Variants in ANKAR observed in about 807,000 individuals in gnomAD.
ANKAR encodes the protein ankyrin and armadillo repeat containing.
Under a neutral mutation model 146.2 loss-of-function variants are expected in ANKAR, and 136 were observed. The ratio of observed to expected loss-of-function variants is 0.93; its 90% confidence interval spans 0.81 to 1.07. ANKAR has a LOEUF of 1.07. Among genes scored for constraint, ANKAR ranks in the 50% least tolerant of loss-of-function variants. ANKAR has a pLI of 0.00. For synonymous variants in ANKAR, 500 were observed against 575.8 expected (o/e 0.87, Z 1.88); for missense variants, 1,567 against 1,679.9 (o/e 0.93, Z 1.18).
At chr2:189,717,528 G>A (rs2040634410) in intron 10 of ANKAR, among the ~76,000 whole-genome samples, 1 of 152,168 alleles carries the variant, frequency 6.6e-6, no homozygotes, top group Admixed American at 6.5e-5. Context: ...AGACAGTGTG[G>A]CGATTCCTCA....
intron 2 of ANKAR, among the ~76,000 whole-genome samples, chr2:189,684,829 CAA>C (rs71023709): frequency 0.011 from 1,222 of 108,038 alleles, 20 homozygotes; most frequent in Admixed American, 0.049. Context: ...GACCCTGTCT[CAA>C]AAAAAAAAAA....
At chr2:189,715,646 T>G (rs1046460124) in intron 10 of ANKAR, among the ~76,000 whole-genome samples, 1 of 152,168 alleles carries the variant, frequency 6.6e-6, no homozygotes, top group African/African-American at 2.4e-5. Context: ...AAAAGAGAAT[T>G]TTAGACCAAT....
At chr2:189,760,223 C>A (rs1015672391) in intron 18 of ANKAR, among the ~76,000 whole-genome samples, 3 of 152,312 alleles carry the variant, frequency 2.0e-5, no homozygotes, top group Non-Finnish European at 2.9e-5. Flanking sequence ...CTTTTCTATT[C>A]GACAAAACCG....
chr2:189,746,576 C>T lies in ANKAR; in HGVS notation c.4254C>T (p.Asn1418=). 6.2e-7 allele frequency: 1 copy of T among 1,613,082 alleles called. No individual in the cohort carries two copies. Among genetic ancestry groups the T allele is most frequent in the Non-Finnish European group, 8.5e-7 (1 of 1,179,744 alleles). ...CAAGACCAAGAATAGTGTGTTTGAA[C>T]CAACTTGGGAAACATGTCCAGAAAG... The part of the protein sequence containing the change: ...NVSRPRIVCL[N]QLGKHVQKAN... The change falls in exon 23 of 23, where the codon AAC becomes AAT. Residue 1418 remains asparagine (N), a synonymous_variant. Coordinates refer to ENST00000684021, the MANE Select transcript of ANKAR (RefSeq NM_001378068.1).
At chr2:189,761,429 A>C (rs781044698), downstream of ANKAR, 4 of 1,598,098 alleles carry the variant, frequency 2.5e-6, no homozygotes, top group Middle Eastern at 1.7e-4. Flanking sequence ...CTTTAAATGA[A>C]CTTCAGTTTG....
intron 18 of ANKAR, chr2:189,752,850 A>G: frequency 6.2e-7 from 1 of 1,613,702 alleles, no homozygotes; most frequent in East Asian, 2.2e-5. Context: ...GTGGCTTACC[A>G]TGCAATCATA....
intron 7 of ANKAR, 64 bp from the exon 8 acceptor site, chr2:189,704,959 C>A: frequency 1.4e-6 from 2 of 1,461,106 alleles, no homozygotes; most frequent in Non-Finnish European, 9.6e-7. Context: ...ATCAATAAGG[C>A]ATTTAGGTTT....
At chr2:189,749,903 C>T (rs891308517), downstream of ANKAR, among the ~76,000 whole-genome samples, 13 of 152,238 alleles carry the variant, frequency 8.5e-5, no homozygotes, top group African/African-American at 2.9e-4. Context: ...AGGCAGATTG[C>T]CTGAGCTCAG....
intron 2 of ANKAR, among the ~76,000 whole-genome samples, chr2:189,679,473 C>T (rs1407901680): frequency 6.6e-6 from 1 of 152,102 alleles, no homozygotes; most frequent in Non-Finnish European, 1.5e-5. Context: ...TTGTCTGATT[C>T]CTCTGGCTAG....
At chr2:189,729,508 AT>A (rs1417540665) in intron 15 of ANKAR, among the ~76,000 whole-genome samples, 10 of 152,256 alleles carry the variant, frequency 6.6e-5, no homozygotes, top group Middle Eastern at 3.4e-3. Context: ...CTCATTCACA[AT>A]TCCAAGATAA....
At chr2:189,675,112 C>G (rs761378502) in intron 1 of ANKAR, among the ~76,000 whole-genome samples, 71 of 152,262 alleles carry the variant, frequency 4.7e-4, no homozygotes, top group East Asian at 7.7e-4. Context: ...TTTTCTGGCC[C>G]CACTACAGCT....
downstream of ANKAR, chr2:189,761,400 C>T (rs777547440): frequency 1.3e-6 from 2 of 1,573,140 alleles, no homozygotes; most frequent in Admixed American, 2.1e-5. Flanking sequence ...GTGGAAATGA[C>T]TAAGATAATG....
intron 22 of ANKAR, among the ~76,000 whole-genome samples, chr2:189,745,101 G>A (rs1423725750): frequency 2.0e-5 from 3 of 151,578 alleles, no homozygotes; most frequent in Non-Finnish European, 2.9e-5. Context: ...TGAGGCAGGA[G>A]AATCGCTTGA....
rs1208072379 is a variant in ANKAR at position 189,689,845 on chromosome 2, AAG to A, written c.922_923del (p.Asp308TyrfsTer32). On this transcript the variant is annotated frameshift_variant, in exon 3 of 23. Coordinates refer to ENST00000684021, the MANE Select transcript of ANKAR (RefSeq NM_001378068.1). LOFTEE classifies it high-confidence loss of function. ...ATTCAAAAACACTTTGAGAAGAAAA[AAG>A]ATATCAGAAGAGGGATAGGATACCT... is the stretch of plus-strand genomic sequence containing the variant. The A allele has an allele frequency of 6.2e-7, 1 of 1,603,996 alleles. No homozygotes were observed. The highest frequency in any genetic ancestry group is 2.2e-5 in the East Asian group (1 of 44,652).
chr2:189,730,437 G>T, intron 15 of ANKAR, 58 bp from the exon 16 acceptor site: 2 of 1,079,776 alleles, frequency 1.9e-6, no homozygotes, highest in South Asian at 3.2e-5. Flanking sequence ...AGCTATGTTT[G>T]ACTTTACCAT....
intron 19 of ANKAR, among the ~76,000 whole-genome samples, chr2:189,740,840 T>G (rs1206580734): frequency 2.6e-5 from 4 of 152,036 alleles, no homozygotes; most frequent in Non-Finnish European, 4.4e-5. Flanking sequence ...ATTACAGGCA[T>G]GTACCACCAC....
chr2:189,677,116 A>T (rs2033820999), intron 2 of ANKAR, 25 bp downstream of exon 2: 3 of 1,281,210 alleles, frequency 2.3e-6, no homozygotes, highest in Non-Finnish European at 3.1e-6. Context: ...CACTTCTTAA[A>T]TTTTTTTTTT....
Position 189,690,617 on chromosome 2 carries a change from C to T in ANKAR, c.1039+653C>T, listed in dbSNP as rs1312904234. On this transcript the variant is annotated intron_variant, in intron 3 of 22. Coordinates refer to ENST00000684021, the MANE Select transcript of ANKAR (RefSeq NM_001378068.1). ...AAGCATGTAGGCTTATTATAATGGGCTTTCTATTCAGATGGCAAATTTTCA... is the reference window on the plus strand; with the variant it reads ...AAGCATGTAGGCTTATTATAATGGGTTTTCTATTCAGATGGCAAATTTTCA... 2.0e-5 allele frequency among the ~76,000 whole-genome samples: 3 copies of T among 152,116 alleles called. 1 individual carries two copies. The highest frequency in any genetic ancestry group is 1.3e-4 in the Admixed American group (2 of 15,276).
rs141351446 is a variant in ANKAR, at chr2:189,721,778, CAGT to C, written c.2635+993_2635+995del. Among the ~76,000 whole-genome samples, 947 of 152,210 alleles carry C rather than the reference CAGT, an allele frequency of 6.2e-3. 9 individuals are homozygous for C. Among genetic ancestry groups the C allele is most frequent in the African/African-American group, 0.022 (900 of 41,514 alleles). On this transcript the variant is annotated intron_variant, in intron 12 of 22. Coordinates refer to ENST00000684021, the MANE Select transcript of ANKAR (RefSeq NM_001378068.1). ...AGAACTTGCTCATTTTCTTCCTGCT[CAGT>C]ATATCATTTGGCTTCCTCTTCCAGT...
Sources: gnomAD v4.1 joint callset for allele counts (sites outside exome capture counted in the v4.1 genomes callset) on GRCh38, gnomAD v4.1.1 for gene constraint, MANE v1.5 for transcripts, NCBI Gene and HGNC (gene_info 2026-07-23, HGNC 2026-07-21) for gene names.